Variants in P2RY8 observed in about 807,000 individuals in gnomAD.
P2RY8 encodes P2Y receptor family member 8, also known as S-geranylgeranyl-glutathione receptor P2RY8.
P2RY8 carries 6 observed loss-of-function variants against 10.0 expected under a neutral mutation model. The ratio of observed to expected loss-of-function variants is 0.60; its 90% CI spans 0.33 to 1.19. The LOEUF (loss-of-function observed/expected upper bound fraction) is 1.19. Ranked by LOEUF, P2RY8 falls within the 50% of genes most tolerant of loss-of-function variation. P2RY8 has a pLI of 0.04. For synonymous variants in P2RY8, 276 were observed against 252.5 expected, an observed-to-expected ratio of 1.09 and a Z score of -0.88; for missense variants, 456 against 542.0, an observed-to-expected ratio of 0.84 and a Z score of 1.58.
At chrX:1,466,925 G>C (rs1479700918) in intron 1 of P2RY8, among the ~76,000 whole-genome samples, 35 of 137,084 alleles carry the variant, frequency 2.6e-4, no homozygotes, top group Admixed American at 6.7e-4. Flanking sequence ...CCTTGGATCA[G>C]GGAGGTCATT....
At chrX:1,477,199 A>AAAAGAAG (rs1556675927) in intron 1 of P2RY8, among the ~76,000 whole-genome samples, 38 of 148,476 alleles carry the variant, frequency 2.6e-4, no homozygotes, top group African/African-American at 9.5e-4. Context: ...AAAAAAAAAA[A>AAAAGAAG]AAGAAGAAGA....
rs368857317 is a variant in P2RY8, at chrX:1,521,038, T to TC, written c.-25+15882_-25+15883insG. On this transcript the variant is annotated intron_variant, in intron 1 of 1. Coordinates refer to ENST00000381297, the MANE Select transcript of P2RY8 (RefSeq NM_178129.5). ...ATCCTCTCTGATTTTTCTTTTCTTT[T>TC]TTTTTTTTTTTTTTTGAGACAGAGT... Among the ~76,000 whole-genome samples, 355 of 141,978 alleles carry TC rather than the reference T, an allele frequency of 2.5e-3. 1 individual carries two copies. Among genetic ancestry groups the TC allele is most frequent in the African/African-American group, 8.6e-3 (328 of 38,230 alleles). The allele number at this position is 141,978 out of a possible 152,430, so 93.1% of individuals were successfully genotyped here. A position where few individuals can be genotyped will look rare whatever the true frequency, so the allele number is the denominator to read the frequency against.
At position 1,498,759 on chromosome X, in the gene P2RY8, C is replaced by T. The variant is rs549868921; in HGVS notation, c.-24-32177G>A. Among the ~76,000 whole-genome samples the T allele has an allele frequency of 4.1e-4, 62 of 151,864 alleles. 1 individual carries two copies. Among genetic ancestry groups the T allele is most frequent in the South Asian group, 1.0e-3 (5 of 4,810 alleles). ...ACTCCTGATCTTGAACTCCTGGTCTCGAACTCCTGATCTTGTGATCCGCCC... is the reference window on the plus strand; with the variant it reads ...ACTCCTGATCTTGAACTCCTGGTCTTGAACTCCTGATCTTGTGATCCGCCC... On this transcript the variant is annotated intron_variant, in intron 1 of 1. Transcript: ENST00000381297.
intron 1 of P2RY8, among the ~76,000 whole-genome samples, chrX:1,469,766 G>C (rs1347140335): frequency 6.6e-6 from 1 of 151,950 alleles, no homozygotes; most frequent in Non-Finnish European, 1.5e-5. Flanking sequence ...CGGGCGTGGT[G>C]GCATGGTGGC....
intron 1 of P2RY8, among the ~76,000 whole-genome samples, chrX:1,479,388 T>C (rs1162439329): frequency 6.6e-6 from 1 of 152,274 alleles, no homozygotes; most frequent in Non-Finnish European, 1.5e-5. Context: ...CCTCTGTAAG[T>C]ATTTTTATGC....
chrX:1,498,969 G>A (rs1258920457), intron 1 of P2RY8, among the ~76,000 whole-genome samples: 9 of 151,596 alleles, frequency 5.9e-5, no homozygotes, highest in African/African-American at 2.2e-4. Flanking sequence ...TGAGTAGCTG[G>A]GATTACAGGC....
chrX:1,467,487 G>A (rs1167066975), intron 1 of P2RY8, among the ~76,000 whole-genome samples: 2 of 152,190 alleles, frequency 1.3e-5, no homozygotes, highest in African/African-American at 4.8e-5. Context: ...AGCCACCTAT[G>A]GCTTCAGGAG....
At chrX:1,476,231 T>C (rs1182268560) in intron 1 of P2RY8, among the ~76,000 whole-genome samples, 1 of 152,078 alleles carries the variant, frequency 6.6e-6, no homozygotes, top group Non-Finnish European at 1.5e-5. Flanking sequence ...TCAGGGTCAC[T>C]GTTAGTGCAC....
intron 1 of P2RY8, among the ~76,000 whole-genome samples, chrX:1,533,806 ATTAT>A (rs1387967578): frequency 8.3e-6 from 1 of 121,126 alleles, no homozygotes; most frequent in East Asian, 2.8e-4. Context: ...ATATTCATAT[ATTAT>A]TTATTATTTA....
chrX:1,484,464 C>T lies in P2RY8; in HGVS notation c.-24-17882G>A, dbSNP rs192721906. ...ATTACAGGCCGGGCGCGGTGGCTCA[C>T]GCCAGTCATCCCAGCACTTTGGGAG... On this transcript the variant is annotated intron_variant, in intron 1 of 1. Transcript: ENST00000381297. 5.3e-4 allele frequency among the ~76,000 whole-genome samples: 81 copies of T among 152,138 alleles called. No individual in the cohort carries two copies. In the East Asian group the frequency reaches 0.012, roughly 23 times the overall value.
chrX:1,524,405 G>GCATC (rs2092415540), intron 1 of P2RY8, among the ~76,000 whole-genome samples: 11 of 33,324 alleles, frequency 3.3e-4, no homozygotes, highest in Admixed American at 9.6e-4. Flanking sequence ...CTCCATCCAT[G>GCATC]CATGCATCCA....
chrX:1,486,753 CAGGA>C, intron 1 of P2RY8, among the ~76,000 whole-genome samples: 1 of 152,340 alleles, frequency 6.6e-6, no homozygotes, highest in East Asian at 1.9e-4. Flanking sequence ...TCTCTTGAAG[CAGGA>C]AGGACATTCC....
At chrX:1,528,746 GTC>G (rs1278846301) in intron 1 of P2RY8, among the ~76,000 whole-genome samples, 8 of 149,446 alleles carry the variant, frequency 5.4e-5, no homozygotes, top group Non-Finnish European at 8.8e-5. Flanking sequence ...GTAGGTTTGA[GTC>G]TCTGAATGAG....
chrX:1,528,450 G>A (rs2092452853), intron 1 of P2RY8, among the ~76,000 whole-genome samples: 1 of 152,230 alleles, frequency 6.6e-6, no homozygotes. Flanking sequence ...GGCGCTGCCA[G>A]TCAGCACCGT....
At chrX:1,525,887 TC>T (rs1474229712) in intron 1 of P2RY8, among the ~76,000 whole-genome samples, 7 of 151,900 alleles carry the variant, frequency 4.6e-5, no homozygotes, top group African/African-American at 1.7e-4. Flanking sequence ...TTATTCCTTA[TC>T]CATCCACTCA....
intron 1 of P2RY8, among the ~76,000 whole-genome samples, chrX:1,499,825 T>C (rs1202386566): frequency 1.3e-5 from 2 of 151,358 alleles, no homozygotes; most frequent in Admixed American, 6.6e-5. Context: ...ATATCTCTAA[T>C]TTTTTGAATC....
intron 1 of P2RY8, among the ~76,000 whole-genome samples, chrX:1,509,605 A>G (rs1252386929): frequency 2.5e-5 from 3 of 118,880 alleles, no homozygotes; most frequent in African/African-American, 1.2e-4. Context: ...TCATGTATCT[A>G]TTATGTATCT....
intron 1 of P2RY8, among the ~76,000 whole-genome samples, chrX:1,488,024 C>G (rs1220876188): frequency 6.6e-6 from 1 of 151,972 alleles, no homozygotes; most frequent in Non-Finnish European, 1.5e-5. Context: ...GCATGAGAAT[C>G]GCTTGAACCT....
chrX:1,536,261 T>A (rs1247534002), intron 1 of P2RY8, among the ~76,000 whole-genome samples: 1 of 151,466 alleles, frequency 6.6e-6, no homozygotes, highest in East Asian at 1.9e-4. Flanking sequence ...GAATGAGTTT[T>A]TTTTTGTTTT....
Sources: allele counts gnomAD v4.1 joint callset (sites outside exome capture counted in the v4.1 genomes callset), GRCh38; gene constraint gnomAD v4.1.1; transcripts MANE v1.5; gene names NCBI Gene and HGNC (gene_info 2026-07-23, HGNC 2026-07-21).